HYDIN: variants seen among roughly 807,000 people sequenced by gnomAD.
HYDIN encodes the protein HYDIN axonemal central pair apparatus protein.
A neutral mutation model predicts 403.9 loss-of-function variants in HYDIN; 132 were observed. The observed-to-expected ratio is 0.33, with a 90% CI of 0.28 to 0.38. The LOEUF is 0.38. HYDIN is among the 10% of genes least tolerant of loss of function. The probability of loss-of-function intolerance (pLI) is 1.00; values close to 1 mark genes in which losing one functional copy is unlikely to be tolerated. For synonymous variants in HYDIN, 1,202 were observed against 1,891.7 expected (o/e 0.64, Z 9.46); for missense variants, 2,827 against 5,009.5 (o/e 0.56, Z 13.15).
intron 41 of HYDIN, among the ~76,000 whole-genome samples, chr16:70,946,002 C>G (rs1424982553): frequency 6.6e-6 from 1 of 151,394 alleles, no homozygotes; most frequent in Non-Finnish European, 1.5e-5. Context: ...TGTGGGGTCA[C>G]GGGAAAGCAT....
intron 1 of HYDIN, among the ~76,000 whole-genome samples, chr16:71,208,241 T>C (rs566817697): frequency 1.3e-4 from 20 of 152,056 alleles, no homozygotes; most frequent in African/African-American, 4.1e-4. Context: ...CAGCACAATA[T>C]AAATAGAAAT....
Position 70,949,594 on chromosome 16 carries a change from T to G in HYDIN, c.6531+2827A>C, listed in dbSNP as rs548761593. The stretch of plus-strand genomic sequence containing the variant: ...TTCATTATGTAATATACTTACACAT[T>G]TTTTCCCATTTGCAACATGACTGAA... On this transcript the variant is annotated intron_variant, in intron 41 of 85. Coordinates refer to ENST00000393567, the MANE Select transcript of HYDIN (RefSeq NM_001270974.2). Among the ~76,000 whole-genome samples, 635 of 152,346 alleles carry G rather than the reference T, an allele frequency of 4.2e-3. 3 individuals are homozygous for G. Among genetic ancestry groups the G allele is most frequent in the African/African-American group, 0.014 (595 of 41,582 alleles).
chr16:70,896,232 T>G (rs2076199394), intron 53 of HYDIN, 152 bp from the exon 54 acceptor site: 1 of 614,338 alleles, frequency 1.6e-6, no homozygotes, highest in Non-Finnish European at 2.8e-6. Flanking sequence ...TTGGTAGGAT[T>G]TGTGCTCCTC....
chr16:70,822,062 A>C (rs915819911), intron 83 of HYDIN, among the ~76,000 whole-genome samples: 1 of 152,142 alleles, frequency 6.6e-6, no homozygotes, highest in African/African-American at 2.4e-5. Context: ...AGTCATTTTG[A>C]CTTTCAAGTC....
intron 85 of HYDIN, among the ~76,000 whole-genome samples, chr16:70,808,909 G>A (rs772108879): frequency 2.0e-5 from 3 of 152,180 alleles, no homozygotes; most frequent in South Asian, 4.1e-4. Context: ...CTTGGCCCAC[G>A]TGGACCAAAA....
intron 1 of HYDIN, among the ~76,000 whole-genome samples, chr16:71,222,708 A>G (rs549756252): frequency 3.3e-5 from 5 of 152,320 alleles, no homozygotes; most frequent in Admixed American, 6.5e-5. Flanking sequence ...TGAGAATCAA[A>G]TCAAGAGCTC....
chr16:71,090,406 A>G (rs2083080457), intron 11 of HYDIN: 1 of 151,186 alleles, frequency 6.6e-6, no homozygotes, highest in Admixed American at 6.6e-5. Context: ...ATATTGCTGT[A>G]AAATTAAATT....
chr16:70,973,055 T>C (rs893016778), intron 35 of HYDIN, among the ~76,000 whole-genome samples: 3 of 152,200 alleles, frequency 2.0e-5, no homozygotes, highest in African/African-American at 7.2e-5. Flanking sequence ...GAACTGAGAC[T>C]GAATGAGGCT....
At chr16:71,212,211 T>C (rs778665524) in intron 1 of HYDIN, among the ~76,000 whole-genome samples, 1 of 152,174 alleles carries the variant, frequency 6.6e-6, no homozygotes, top group Non-Finnish European at 1.5e-5. Flanking sequence ...CATTTTAAAT[T>C]TGTAGGCTGT....
Position 70,964,877 on chromosome 16 carries a change from C to T in HYDIN, c.5639G>A (p.Gly1880Asp), listed in dbSNP as rs1181552754. 3 of 1,613,730 alleles carry T rather than the reference C, an allele frequency of 1.9e-6. No individual in the cohort carries two copies. Among genetic ancestry groups the T allele is most frequent in the East Asian group, 2.2e-5 (1 of 44,838 alleles). Reference sequence around the variant, plus strand: ...CAGCAGGGTGTTGTAGGAATCATAGCCCTTCAGCTTCCGCAAGATCTGCTC... The same window carrying T: ...CAGCAGGGTGTTGTAGGAATCATAGTCCTTCAGCTTCCGCAAGATCTGCTC... The part of the protein sequence containing the change: ...IEEKILRKLK[G>D]YDSYNTLLLP... Residue 1880 changes from glycine to aspartate, a missense_variant, in exon 37 of 86, where the codon GGC becomes GAC. Coordinates refer to ENST00000393567, the MANE Select transcript of HYDIN (RefSeq NM_001270974.2).
intron 7 of HYDIN, among the ~76,000 whole-genome samples, chr16:71,140,018 A>G (rs534902741): frequency 1.3e-5 from 2 of 151,566 alleles, no homozygotes; most frequent in East Asian, 3.9e-4. Context: ...TTATTTTTAA[A>G]GTTTCCACAC....
At chr16:71,056,292 T>C (rs2081890545) in intron 18 of HYDIN, among the ~76,000 whole-genome samples, 1 of 152,114 alleles carries the variant, frequency 6.6e-6, no homozygotes, top group African/African-American at 2.4e-5. Flanking sequence ...CATTCTTCCT[T>C]GTACTAATCA....
chr16:70,992,810 A>G (rs2079402312), intron 23 of HYDIN, among the ~76,000 whole-genome samples: 2 of 152,208 alleles, frequency 1.3e-5, no homozygotes, highest in South Asian at 4.1e-4. Flanking sequence ...AGAGGAACCC[A>G]GGGGAAAAGC....
At chr16:70,892,571 G>A (rs377346000) in intron 55 of HYDIN, 42 bp from the exon 56 acceptor site, 75 of 1,577,202 alleles carry the variant, frequency 4.8e-5, no homozygotes, top group Non-Finnish European at 5.9e-5. Flanking sequence ...TCATTATCCC[G>A]GGAACTCAAG....
chr16:70,980,906 G>A (rs942639767), intron 29 of HYDIN, among the ~76,000 whole-genome samples: 1 of 151,990 alleles, frequency 6.6e-6, no homozygotes, highest in Non-Finnish European at 1.5e-5. Context: ...AATGTAAGTG[G>A]GAAGACAATT....
chr16:71,114,230 C>T, intron 10 of HYDIN, among the ~76,000 whole-genome samples: 1 of 151,886 alleles, frequency 6.6e-6, no homozygotes, highest in East Asian at 1.9e-4. Context: ...GACGCTTTTA[C>T]CTGAATTGGT....
At chr16:70,906,845 T>G (rs965021143) in intron 50 of HYDIN, among the ~76,000 whole-genome samples, 1 of 152,238 alleles carries the variant, frequency 6.6e-6, no homozygotes, top group Non-Finnish European at 1.5e-5. Context: ...CCTCTCTTCA[T>G]GGCTCCATAA....
rs2143407284 is a variant in HYDIN at position 70,805,810 on chromosome 16, C to G, written c.*1770G>C. 6.6e-6 allele frequency among the ~76,000 whole-genome samples: 1 copy of G among 152,302 alleles called. No individual in the cohort carries two copies. The highest frequency in any genetic ancestry group is 1.9e-4 in the East Asian group (1 of 5,192). On this transcript the variant is annotated 3_prime_UTR_variant, in exon 86 of 86. Transcript: ENST00000393567. ...GTCTATTGAGTATGGCAGTCCTCCT[C>G]ATCTATGGCTTCAGTTACCTGTGGT... is the stretch of plus-strand genomic sequence containing the variant.
intron 23 of HYDIN, among the ~76,000 whole-genome samples, chr16:71,007,052 C>A (rs2079910921): frequency 6.8e-6 from 1 of 146,146 alleles, no homozygotes; most frequent in Non-Finnish European, 1.5e-5. Context: ...TTCTTCTTGC[C>A]CTTTTCCCTG....
Sources: gnomAD v4.1 joint callset for allele counts (sites outside exome capture counted in the v4.1 genomes callset) on GRCh38, gnomAD v4.1.1 for gene constraint, MANE v1.5 for transcripts, NCBI Gene and HGNC (gene_info 2026-07-23, HGNC 2026-07-21) for gene names.